The following ZFPM2 variants were observed in gnomAD, a reference collection of about 807,000 sequenced individuals.
ZFPM2 encodes the protein zinc finger protein ZFPM2.
A neutral mutation model predicts 98.6 loss-of-function variants in ZFPM2; 20 were observed. That is an observed-to-expected ratio of 0.20 (90% CI 0.14 to 0.29). ZFPM2 has a LOEUF of 0.29. Among genes scored for constraint, ZFPM2 ranks in the 10% least tolerant of loss-of-function variants. The pLI is 1.00. For synonymous variants in ZFPM2, 518 were observed against 502.7 expected (o/e 1.03, Z -0.41); for missense variants, 1,310 against 1,388.6 (o/e 0.94, Z 0.90).
chr8:105,493,156 T>G (rs942241213), intron 3 of ZFPM2, among the ~76,000 whole-genome samples: 7 of 152,176 alleles, frequency 4.6e-5, no homozygotes, highest in Non-Finnish European at 7.4e-5. Context: ...TCATTGCAAA[T>G]TAAAAGTTTG....
At chr8:105,375,161 CAAAACA>C (rs1380503469) in intron 1 of ZFPM2, among the ~76,000 whole-genome samples, 1 of 151,790 alleles carries the variant, frequency 6.6e-6, no homozygotes, top group Non-Finnish European at 1.5e-5. Flanking sequence ...AGGAAAAAAA[CAAAACA>C]AAAACAAAAA....
intron 2 of ZFPM2, among the ~76,000 whole-genome samples, chr8:105,422,706 C>A (rs1051081841): frequency 2.6e-5 from 4 of 151,930 alleles, no homozygotes; most frequent in Admixed American, 6.6e-5. Context: ...AAGTTCAGAT[C>A]AAAAAATGTG....
At chr8:105,559,622 G>A (rs532030390) in intron 3 of ZFPM2, among the ~76,000 whole-genome samples, 58 of 152,134 alleles carry the variant, frequency 3.8e-4, no homozygotes, top group Admixed American at 1.5e-3. Context: ...AACCACTACC[G>A]AAATATTTTA....
chr8:105,404,603 A>C (rs866121662), intron 1 of ZFPM2, among the ~76,000 whole-genome samples: 1 of 152,086 alleles, frequency 6.6e-6, no homozygotes, highest in African/African-American at 2.4e-5. Flanking sequence ...TTAAATAGTC[A>C]ATTAACTCTA....
intron 5 of ZFPM2, among the ~76,000 whole-genome samples, chr8:105,786,198 CAT>C (rs58523276): frequency 0.073 from 11,094 of 152,156 alleles, 454 homozygotes; most frequent in East Asian, 0.12. Context: ...CCTGCCTACA[CAT>C]GTTTTTGCTG....
chr8:105,716,088 T>A (rs1313456045), intron 5 of ZFPM2, among the ~76,000 whole-genome samples: 1 of 151,696 alleles, frequency 6.6e-6, no homozygotes, highest in Non-Finnish European at 1.5e-5. Flanking sequence ...TTTCTTTATT[T>A]GACTTCCTAA....
chr8:105,375,373 C>T (rs563300611), intron 1 of ZFPM2, among the ~76,000 whole-genome samples: 161 of 152,212 alleles, frequency 1.1e-3, no homozygotes, highest in African/African-American at 3.7e-3. Context: ...TGCCTGGAGC[C>T]TCTATCTGCA....
At chr8:105,705,973 A>G (rs1811249525) in intron 5 of ZFPM2, among the ~76,000 whole-genome samples, 1 of 152,154 alleles carries the variant, frequency 6.6e-6, no homozygotes, top group Non-Finnish European at 1.5e-5. Context: ...TTCACATGCA[A>G]TTTCACTTTC....
At chr8:105,425,734 G>T (rs1333667792) in intron 2 of ZFPM2, among the ~76,000 whole-genome samples, 2 of 152,100 alleles carry the variant, frequency 1.3e-5, no homozygotes, top group Admixed American at 6.6e-5. Flanking sequence ...CTTGTTACCT[G>T]TAACAAATCT....
At chr8:105,766,513 T>C (rs947528020) in intron 5 of ZFPM2, among the ~76,000 whole-genome samples, 3 of 151,746 alleles carry the variant, frequency 2.0e-5, no homozygotes, top group African/African-American at 7.3e-5. Flanking sequence ...GCAGCTCTGG[T>C]TGGAAAAATA....
intron 3 of ZFPM2, among the ~76,000 whole-genome samples, chr8:105,550,399 T>C (rs1417158868): frequency 6.6e-6 from 1 of 152,132 alleles, no homozygotes; most frequent in South Asian, 2.1e-4. Flanking sequence ...TGTGATAAAA[T>C]ATGAAAGGGT....
intron 4 of ZFPM2, among the ~76,000 whole-genome samples, chr8:105,618,897 T>C (rs1309042230): frequency 2.0e-5 from 3 of 152,164 alleles, no homozygotes; most frequent in Admixed American, 2.0e-4. Flanking sequence ...AAAACTGATA[T>C]ATACATATTC....
intron 1 of ZFPM2, among the ~76,000 whole-genome samples, chr8:105,412,898 G>T (rs1456415443): frequency 6.6e-6 from 1 of 151,746 alleles, no homozygotes; most frequent in African/African-American, 2.4e-5. Flanking sequence ...TCTGTGTGTA[G>T]CAGCTGAGAA....
At chr8:105,485,331 G>C (rs1237847724) in intron 3 of ZFPM2, among the ~76,000 whole-genome samples, 1 of 151,914 alleles carries the variant, frequency 6.6e-6, no homozygotes, top group Non-Finnish European at 1.5e-5. Flanking sequence ...GATTGAGTGA[G>C]AATAACAAAG....
At chr8:105,587,305 G>T (rs1453244150) in intron 4 of ZFPM2, among the ~76,000 whole-genome samples, 1 of 150,176 alleles carries the variant, frequency 6.7e-6, no homozygotes, top group African/African-American at 2.4e-5. Flanking sequence ...AAAAGCTTTG[G>T]ACTTAACAGT....
chr8:105,660,508 A>G (rs1488404555), intron 5 of ZFPM2, among the ~76,000 whole-genome samples: 1 of 152,232 alleles, frequency 6.6e-6, no homozygotes, highest in Non-Finnish European at 1.5e-5. Context: ...AGTATCATAC[A>G]TGTGTAAAAA....
intron 5 of ZFPM2, chr8:105,787,154 G>A (rs1217409687): frequency 1.3e-5 from 2 of 152,156 alleles, no homozygotes; most frequent in East Asian, 3.9e-4. Context: ...TCAGGGGGGA[G>A]AACAGCAGAA....
intron 1 of ZFPM2, among the ~76,000 whole-genome samples, chr8:105,330,619 T>TAC (rs372135828): frequency 4.5e-5 from 4 of 88,470 alleles, no homozygotes; most frequent in African/African-American, 1.7e-4. Flanking sequence ...TACACATATA[T>TAC]ATATATATAT....
At chr8:105,558,536 T>C (rs1160121135) in intron 3 of ZFPM2, among the ~76,000 whole-genome samples, 1 of 152,156 alleles carries the variant, frequency 6.6e-6, no homozygotes, top group Admixed American at 6.5e-5. Context: ...TTCAGAAACT[T>C]TGGAGACATT....
Sources: gnomAD v4.1 joint callset for allele counts (sites outside exome capture counted in the v4.1 genomes callset) on GRCh38, gnomAD v4.1.1 for gene constraint, MANE v1.5 for transcripts, NCBI Gene and HGNC (gene_info 2026-07-23, HGNC 2026-07-21) for gene names.